The following CCSER1 variants were observed in gnomAD, a reference collection of about 807,000 sequenced individuals.
CCSER1 encodes coiled-coil serine rich protein 1.
In CCSER1, 41 loss-of-function variants were observed where a neutral mutation model predicts 82.0. The observed-to-expected ratio is 0.50, with a 90% CI of 0.39 to 0.65. The LOEUF is 0.65. Among genes scored for constraint, CCSER1 ranks in the 30% least tolerant of loss-of-function variants. CCSER1 has a pLI of 0.00. For missense variants in CCSER1, 1,119 were observed against 1,064.2 expected, an observed-to-expected ratio of 1.05 and a Z score of -0.72; for synonymous variants, 414 against 383.9, an observed-to-expected ratio of 1.08 and a Z score of -0.92.
At position 91,221,112 on chromosome 4, in the gene CCSER1, G is replaced by A. The variant is rs146872975; in HGVS notation, c.2217+135118G>A. 7.7e-3 allele frequency among the ~76,000 whole-genome samples: 1,170 copies of A among 152,164 alleles called. 47 individuals are homozygous for A. The highest frequency in any genetic ancestry group is 0.061 in the Admixed American group (928 of 15,292). The stretch of plus-strand genomic sequence containing the variant: ...TAACATTTTGGAAGGATGGCCTCAT[G>A]TTATTTTACATAGCATCATATATAA... On this transcript the variant is annotated intron_variant, in intron 10 of 10. Transcript: ENST00000509176.
rs905609701 is a variant in CCSER1 at position 90,906,669 on chromosome 4, A to T, written c.2095-16701A>T. 2.0e-5 allele frequency among the ~76,000 whole-genome samples: 3 copies of T among 152,096 alleles called. No individual in the cohort carries two copies. The East Asian group carries it at 5.8e-4, about 29-fold the overall frequency. ...TAAGTGGGCAGGGTATTATATCCTG[A>T]TCTTCCTCAATAAAAATATCAAGCA... On this transcript the variant is annotated intron_variant, in intron 8 of 10. Transcript: ENST00000509176.
At chr4:90,880,635 G>C (rs1721160351) in intron 8 of CCSER1, among the ~76,000 whole-genome samples, 1 of 152,196 alleles carries the variant, frequency 6.6e-6, no homozygotes, top group African/African-American at 2.4e-5. Context: ...TACTCACTCA[G>C]CTCTGGCAAG....
intron 5 of CCSER1, among the ~76,000 whole-genome samples, chr4:90,515,122 C>T (rs556880527): frequency 6.6e-6 from 1 of 152,236 alleles, no homozygotes; most frequent in South Asian, 2.1e-4. Context: ...TCCCAAAGTG[C>T]TGGGATTACA....
At position 91,149,248 on chromosome 4, in the gene CCSER1, G is replaced by T. The variant is rs541692070; in HGVS notation, c.2217+63254G>T. Among the ~76,000 whole-genome samples, 29 of 152,262 alleles carry T rather than the reference G, an allele frequency of 1.9e-4. 1 individual carries two copies. Among genetic ancestry groups the T allele is most frequent in the East Asian group, 7.7e-4 (4 of 5,174 alleles). On this transcript the variant is annotated intron_variant, in intron 10 of 10. Transcript: ENST00000509176. The stretch of plus-strand genomic sequence containing the variant: ...TGATGGCCAGTGATGATGAGCATTT[G>T]TTCATGTGTCTGTTGGCTGCATAAA...
At chr4:91,165,801 T>C (rs1731986975) in intron 10 of CCSER1, among the ~76,000 whole-genome samples, 2 of 152,260 alleles carry the variant, frequency 1.3e-5, no homozygotes, top group Non-Finnish European at 1.5e-5. Context: ...GCATTATTTG[T>C]GCAGGATTGT....
rs553827892 is a variant in CCSER1, at chr4:91,603,336, T to A, written c.*4279T>A. On this transcript the variant is annotated 3_prime_UTR_variant, in exon 11 of 11. Coordinates refer to ENST00000509176, the MANE Select transcript of CCSER1 (RefSeq NM_001145065.2). ...ATACCCATGAACTATTTATTTACAATACATTTGATCTCGTTAAGACCCCAG... is the reference window on the plus strand; with the variant it reads ...ATACCCATGAACTATTTATTTACAAAACATTTGATCTCGTTAAGACCCCAG... 1.4e-3 allele frequency: 206 copies of A among 152,242 alleles called. No individual in the cohort carries two copies. Among genetic ancestry groups the A allele is most frequent in the African/African-American group, 4.7e-3 (195 of 41,586 alleles). 9.4% of individuals were successfully genotyped at this position (152,242 alleles called of 1,614,324 possible).
chr4:90,571,394 C>A (rs1780102363), intron 5 of CCSER1, among the ~76,000 whole-genome samples: 2 of 152,158 alleles, frequency 1.3e-5, no homozygotes, highest in African/African-American at 2.4e-5. Context: ...GAAAGCTGTG[C>A]AGCCATAAAA....
chr4:91,564,691 T>C (rs1762801066), intron 10 of CCSER1, among the ~76,000 whole-genome samples: 1 of 152,038 alleles, frequency 6.6e-6, no homozygotes, highest in Non-Finnish European at 1.5e-5. Context: ...GTGCCTTCTT[T>C]AGAGAAGTGT....
At chr4:91,470,496 A>C (rs1450346224) in intron 10 of CCSER1, among the ~76,000 whole-genome samples, 2 of 152,156 alleles carry the variant, frequency 1.3e-5, no homozygotes, top group African/African-American at 4.8e-5. Flanking sequence ...TATACGTAGC[A>C]GACTGGGGAT....
chr4:90,654,868 G>T (rs974709295), intron 6 of CCSER1, among the ~76,000 whole-genome samples: 1 of 152,012 alleles, frequency 6.6e-6, no homozygotes. Flanking sequence ...TATTTTATAG[G>T]TGGGGTTAGA....
At chr4:90,787,829 A>G (rs1754724206) in intron 7 of CCSER1, among the ~76,000 whole-genome samples, 2 of 152,192 alleles carry the variant, frequency 1.3e-5, no homozygotes, top group South Asian at 4.1e-4. Flanking sequence ...TATTTTGACT[A>G]GAAAGTGGTG....
intron 1 of CCSER1, among the ~76,000 whole-genome samples, chr4:90,251,406 C>T (rs1294450831): frequency 6.6e-6 from 1 of 151,778 alleles, no homozygotes; most frequent in Non-Finnish European, 1.5e-5. Context: ...GATGTTCTTA[C>T]TAGTTTGCTG....
chr4:90,300,424 T>C (rs1254264080), intron 1 of CCSER1, among the ~76,000 whole-genome samples: 1 of 152,158 alleles, frequency 6.6e-6, no homozygotes, highest in Non-Finnish European at 1.5e-5. Flanking sequence ...TAGTATCTTC[T>C]CATTCTTAAA....
chr4:90,352,689 T>TACAC (rs200329432), intron 3 of CCSER1, among the ~76,000 whole-genome samples: 1 of 151,716 alleles, frequency 6.6e-6, no homozygotes, highest in African/African-American at 2.4e-5. Flanking sequence ...TATATGTATA[T>TACAC]ATACACACAC....
chr4:90,157,581 T>C (rs1021250783), intron 1 of CCSER1, among the ~76,000 whole-genome samples: 1 of 152,210 alleles, frequency 6.6e-6, no homozygotes, highest in African/African-American at 2.4e-5. Flanking sequence ...TTCTTTTTAT[T>C]CTTTTTTCTC....
chr4:91,509,839 A>AT (rs199841968), intron 10 of CCSER1, among the ~76,000 whole-genome samples: 361 of 152,000 alleles, frequency 2.4e-3, no homozygotes, highest in Non-Finnish European at 3.6e-3. Flanking sequence ...AGATATATAG[A>AT]TTTTTTTTAC....
chr4:90,428,048 A>T (rs377079372), intron 4 of CCSER1, among the ~76,000 whole-genome samples: 29 of 151,948 alleles, frequency 1.9e-4, no homozygotes, highest in East Asian at 1.5e-3. Context: ...TTATAGATTG[A>T]TGTGCTAATC....
At chr4:90,860,133 A>C (rs1350933704) in intron 8 of CCSER1, among the ~76,000 whole-genome samples, 2 of 151,736 alleles carry the variant, frequency 1.3e-5, no homozygotes, top group African/African-American at 4.8e-5. Flanking sequence ...AGAATACATA[A>C]AAAATTTGTA....
chr4:90,277,429 G>C (rs2153458373), intron 1 of CCSER1, among the ~76,000 whole-genome samples: 1 of 152,158 alleles, frequency 6.6e-6, no homozygotes, highest in South Asian at 2.1e-4. Context: ...CTATAGTATA[G>C]TTTGTATAGT....
Sources: gnomAD v4.1 joint callset for allele counts (sites outside exome capture counted in the v4.1 genomes callset) on GRCh38, gnomAD v4.1.1 for gene constraint, MANE v1.5 for transcripts, NCBI Gene and HGNC (gene_info 2026-07-23, HGNC 2026-07-21) for gene names.